Variants in NOL4L observed in about 807,000 individuals in gnomAD.
NOL4L encodes the protein nucleolar protein 4-like.
NOL4L carries 7 observed loss-of-function variants against 64.5 expected under a neutral mutation model. The observed-to-expected ratio is 0.11, with a 90% CI of 0.06 to 0.20. NOL4L has a LOEUF of 0.20. Among genes scored for constraint, NOL4L ranks in the 10% least tolerant of loss-of-function variants. NOL4L has a pLI of 1.00. For synonymous variants in NOL4L, 413 were observed against 401.0 expected (o/e 1.03, Z -0.36); for missense variants, 680 against 967.1 (o/e 0.70, Z 3.94).
chr20:32,483,402 C>A, intron 4 of NOL4L: 2 of 986,566 alleles, frequency 2.0e-6, no homozygotes, highest in South Asian at 4.6e-5. Flanking sequence ...TCGGGATCCG[C>A]GAGTGAGCGG....
chr20:32,494,252 G>GAAAAAAAAAAAAAAAAAAAAAAAAAAAAA (rs1568654908), intron 4 of NOL4L, among the ~76,000 whole-genome samples: 2 of 27,098 alleles, frequency 7.4e-5, no homozygotes, highest in African/African-American at 3.1e-4. Flanking sequence ...GATAATCTCG[G>GAAAAAAAAAAAAAAAAAAAAAAAAAAAAA]GAAAAAAAAA....
rs1569355008 is a variant in NOL4L, at chr20:32,447,300, CAG to C, written c.*294_*295del. 9 of 595,836 alleles carry C rather than the reference CAG, an allele frequency of 1.5e-5. No homozygotes were observed. Among genetic ancestry groups the C allele is most frequent in the Non-Finnish European group, 2.2e-5 (7 of 319,684 alleles). The allele number at this position is 595,836 out of a possible 1,614,324, so 36.9% of individuals were successfully genotyped here. ...CAGGGTCCACGAAGGTGATTCTAAA[CAG>C]AGCTGCAGCCCCAGCGCCTTGTCAG... On this transcript the variant is annotated 3_prime_UTR_variant, in exon 11 of 11. Coordinates refer to ENST00000621426, the MANE Select transcript of NOL4L (RefSeq NM_001256798.2).
At chr20:32,495,162 G>C (rs1309870285) in intron 4 of NOL4L, among the ~76,000 whole-genome samples, 1 of 152,258 alleles carries the variant, frequency 6.6e-6, no homozygotes, top group Non-Finnish European at 1.5e-5. Flanking sequence ...AACTGTCACG[G>C]CTGCAGCACA....
chr20:32,529,565 G>A (rs369027024), intron 1 of NOL4L, among the ~76,000 whole-genome samples: 4 of 152,126 alleles, frequency 2.6e-5, no homozygotes, highest in East Asian at 1.9e-4. Context: ...TAGCTTTCTC[G>A]ACACACCATG....
rs1568648985 is a variant in NOL4L at position 32,488,841 on chromosome 20, TTCTTTCTTTCTTTC to T, written c.700-14113_700-14100del. On this transcript the variant is annotated intron_variant, in intron 4 of 10. Coordinates refer to ENST00000621426, the MANE Select transcript of NOL4L (RefSeq NM_001256798.2). ...TCTTTCTTTCTTTTTCTTTCTTTCTTTCTTTCTTTCTTTCTTTCTTTCTTTCTTTCTTTCTTTCT... is the reference window on the plus strand; with the variant it reads ...TCTTTCTTTCTTTTTCTTTCTTTCTTTTTCTTTCTTTCTTTCTTTCTTTCT... Among the ~76,000 whole-genome samples, 34 of 84,126 alleles carry T rather than the reference TTCTTTCTTTCTTTC, an allele frequency of 4.0e-4. 1 individual carries two copies. Among genetic ancestry groups the T allele is most frequent in the African/African-American group, 2.3e-3 (29 of 12,674 alleles). The allele number at this position is 84,126 out of a possible 152,430, so 55.2% of individuals were successfully genotyped here.
Position 32,452,875 on chromosome 20 carries a change from G to A in NOL4L, c.1620+9C>T, listed in dbSNP as rs985082879. 4 of 1,613,620 alleles carry A rather than the reference G, an allele frequency of 2.5e-6. No homozygotes were observed. The Admixed American group carries it at 5.0e-5, about 20-fold the overall frequency. On this transcript the variant is annotated intron_variant, in intron 9 of 10. Coordinates refer to ENST00000621426, the MANE Select transcript of NOL4L (RefSeq NM_001256798.2). The stretch of plus-strand genomic sequence containing the variant: ...GAGCGGCCCCTGTAGTGGCTGCGGT[G>A]GCAGGTACCTGTGAGGACTGGTAGA...
intron 1 of NOL4L, among the ~76,000 whole-genome samples, chr20:32,531,801 G>A (rs577586462): frequency 6.6e-6 from 1 of 152,312 alleles, no homozygotes; most frequent in Non-Finnish European, 1.5e-5. Context: ...GGACCCCTCT[G>A]AGTCTGGACA....
chr20:32,457,717 T>C (rs1313999484), intron 5 of NOL4L, among the ~76,000 whole-genome samples: 4 of 152,124 alleles, frequency 2.6e-5, no homozygotes, highest in Non-Finnish European at 4.4e-5. Flanking sequence ...CCAGGCGTCC[T>C]GTCCTCCTTC....
At chr20:32,557,998 A>G (rs1254581029) in intron 1 of NOL4L, among the ~76,000 whole-genome samples, 1 of 152,216 alleles carries the variant, frequency 6.6e-6, no homozygotes, top group Non-Finnish European at 1.5e-5. Flanking sequence ...GGCTGCAGTG[A>G]GCTGTGATCA....
intron 4 of NOL4L, among the ~76,000 whole-genome samples, chr20:32,508,920 C>T (rs2017255006): frequency 6.6e-6 from 1 of 152,192 alleles, no homozygotes; most frequent in Non-Finnish European, 1.5e-5. Flanking sequence ...CTGCTGCAGC[C>T]ACACCAGCCC....
chr20:32,544,450 G>A (rs574120358), intron 1 of NOL4L, among the ~76,000 whole-genome samples: 67 of 152,266 alleles, frequency 4.4e-4, no homozygotes, highest in Non-Finnish European at 7.2e-4. Context: ...ACCTCCCTGC[G>A]CCAGGCTAAG....
intron 5 of NOL4L, among the ~76,000 whole-genome samples, chr20:32,457,172 C>A (rs2013618339): frequency 6.6e-6 from 1 of 152,224 alleles, no homozygotes; most frequent in Admixed American, 6.5e-5. Flanking sequence ...CCTGCGGGCG[C>A]GGGGGAGGAA....
chr20:32,584,100 C>CCT (rs1555811163), intron 1 of NOL4L, among the ~76,000 whole-genome samples: 3 of 141,234 alleles, frequency 2.1e-5, no homozygotes, highest in Admixed American at 2.1e-4. Flanking sequence ...CTCCCTCCCC[C>CCT]CCCCCCACCC....
chr20:32,464,091 G>A lies in NOL4L; in HGVS notation c.842-7696C>T, dbSNP rs1459221252. ...GGGAGGAGGGGGTGGGAGACTGCTG[G>A]AGCCACGGCCCACCATGGCCAGGGA... On this transcript the variant is annotated intron_variant, in intron 5 of 10. Transcript: ENST00000621426. This position sits in a 1 kb window ranked among gnomAD's most constrained non-coding sequence, Gnocchi z 5.6. 6.6e-6 allele frequency among the ~76,000 whole-genome samples: 1 copy of A among 152,160 alleles called. No individual in the cohort carries two copies. The highest frequency in any genetic ancestry group is 2.1e-4 in the South Asian group (1 of 4,826).
chr20:32,465,158 A>G (rs1312295148), intron 5 of NOL4L: 1 of 482,492 alleles, frequency 2.1e-6, no homozygotes, highest in Non-Finnish European at 3.8e-6. Flanking sequence ...GGAGGTGGAC[A>G]CCAATTATGC....
chr20:32,577,276 GGGGGT>G (rs1356530674), intron 1 of NOL4L, among the ~76,000 whole-genome samples: 1 of 152,200 alleles, frequency 6.6e-6, no homozygotes, highest in Non-Finnish European at 1.5e-5. Flanking sequence ...GGGGCCGGGC[GGGGGT>G]GGCGTCCATA....
chr20:32,553,674 C>T (rs994040933), intron 1 of NOL4L, among the ~76,000 whole-genome samples: 5 of 152,272 alleles, frequency 3.3e-5, no homozygotes, highest in Non-Finnish European at 7.4e-5. Context: ...TCTCTAGCAC[C>T]AAGAACAGAT....
At position 32,453,770 on chromosome 20, in the gene NOL4L, A is replaced by G. The variant is rs1013780426; in HGVS notation, c.1120-9T>C. The G allele has an allele frequency of 3.2e-6, 5 of 1,551,816 alleles. No homozygotes were observed. Among genetic ancestry groups the G allele is most frequent in the Non-Finnish European group, 4.4e-6 (5 of 1,147,054 alleles). The stretch of plus-strand genomic sequence containing the variant: ...GAGCTGTAGGGGGGGGACTAAAAGG[A>G]GGGCAAGAGGCAGAGGGTTGGGCCA... On this transcript the variant is annotated splice_polypyrimidine_tract_variant and intron_variant, in intron 6 of 10. Transcript: ENST00000621426. This position sits in a 1 kb window ranked among gnomAD's most constrained non-coding sequence, Gnocchi z 5.6.
At chr20:32,505,606 G>A (rs2017107936) in intron 4 of NOL4L, among the ~76,000 whole-genome samples, 1 of 152,176 alleles carries the variant, frequency 6.6e-6, no homozygotes, top group South Asian at 2.1e-4. Flanking sequence ...TGTGGTCTCA[G>A]ATACTCAGGA....
Sources: gnomAD v4.1 joint callset for allele counts (sites outside exome capture counted in the v4.1 genomes callset) on GRCh38, gnomAD v4.1.1 for gene constraint, Gnocchi (gnomAD v3.1) non-coding constraint, MANE v1.5 for transcripts, NCBI Gene and HGNC (gene_info 2026-07-23, HGNC 2026-07-21) for gene names.